Variants in PGM2L1 observed in about 807,000 individuals in gnomAD.
The protein encoded by PGM2L1 is glucose 1,6-bisphosphate synthase.
A neutral mutation model predicts 73.4 loss-of-function variants in PGM2L1; 35 were observed. The observed-to-expected ratio is 0.48, with a 90% CI of 0.36 to 0.63. The LOEUF (loss-of-function observed/expected upper bound fraction) is 0.63. Ranked by LOEUF, PGM2L1 falls within the 30% of genes least tolerant of loss-of-function variation. The pLI is 0.00. For missense variants in PGM2L1, 570 were observed against 742.0 expected (o/e 0.77, Z 2.69); for synonymous variants, 225 against 253.8 (o/e 0.89, Z 1.08).
chr11:74,357,955 T>C (rs1228778867), intron 5 of PGM2L1, among the ~76,000 whole-genome samples: 1 of 152,092 alleles, frequency 6.6e-6, no homozygotes, highest in Non-Finnish European at 1.5e-5. Context: ...AATATGATAC[T>C]CTGGAAAAGG....
At chr11:74,368,253 G>A (rs549599625) in intron 5 of PGM2L1, among the ~76,000 whole-genome samples, 2 of 152,314 alleles carry the variant, frequency 1.3e-5, no homozygotes, top group South Asian at 4.1e-4. Context: ...AAGGGATAGA[G>A]AAATCAAGGA....
At chr11:74,355,668 A>G (rs1355823047) in intron 5 of PGM2L1, 2 of 504,106 alleles carry the variant, frequency 4.0e-6, no homozygotes, top group Non-Finnish European at 7.9e-6. Context: ...TATGAAACCA[A>G]GGTGGCTATG....
rs370005770 is a variant in PGM2L1 at position 74,345,567 on chromosome 11, A to G, written c.1120T>C (p.Ser374Pro). 1.9e-6 allele frequency: 3 copies of G among 1,613,518 alleles called. No individual in the cohort carries two copies. Among genetic ancestry groups the G allele is most frequent in the Non-Finnish European group, 2.5e-6 (3 of 1,179,706 alleles). Reference sequence around the variant, plus strand: ...ACGTTCTTCACATCAGCATTTCTTGATTTATTTTTCTTCCAGCAATCAAAC... The same window carrying G: ...ACGTTCTTCACATCAGCATTTCTTGGTTTATTTTTCTTCCAGCAATCAAAC... The part of the protein sequence containing the change: ...WMFDCWKKNK[S>P]RNADVKNVYM... The change falls in exon 9 of 14, where the codon TCA becomes CCA. Residue 374 changes from serine to proline, a missense_variant. Coordinates refer to ENST00000298198, the MANE Select transcript of PGM2L1 (RefSeq NM_173582.6).
chr11:74,384,912 A>G (rs1223266204), intron 1 of PGM2L1, among the ~76,000 whole-genome samples: 1 of 152,204 alleles, frequency 6.6e-6, no homozygotes, highest in Admixed American at 6.5e-5. Flanking sequence ...TTGTCCCGCT[A>G]TACTAGCAAG....
At chr11:74,353,724 ACG>A (rs1862395119) in intron 5 of PGM2L1, among the ~76,000 whole-genome samples, 1 of 36,388 alleles carries the variant, frequency 2.7e-5, no homozygotes, top group Non-Finnish European at 1.1e-4. Context: ...GGAGTCTCCC[ACG>A]TCTACTTCTT....
chr11:74,386,299 G>C (rs935790317), intron 1 of PGM2L1, among the ~76,000 whole-genome samples: 1 of 151,848 alleles, frequency 6.6e-6, no homozygotes. Context: ...AAGAAAAATG[G>C]AAATTAAAGC....
At chr11:74,382,969 A>G (rs1436153855) in intron 1 of PGM2L1, among the ~76,000 whole-genome samples, 1 of 152,238 alleles carries the variant, frequency 6.6e-6, no homozygotes, top group Non-Finnish European at 1.5e-5. Context: ...CAGAGGGACT[A>G]TAAATCAATA....
Position 74,349,557 on chromosome 11 carries a change from G to C in PGM2L1, c.749+1826C>G, listed in dbSNP as rs563760845. 2.6e-5 allele frequency among the ~76,000 whole-genome samples: 4 copies of C among 152,202 alleles called. No individual in the cohort carries two copies. In the East Asian group the frequency reaches 7.7e-4, roughly 29 times the overall value. ...TAGTACATTTTCTGCCCCACTCCTT[G>C]ATAAGAATCAATTTCTCCAATGAGC... On this transcript the variant is annotated intron_variant, in intron 6 of 13. Transcript: ENST00000298198.
intron 1 of PGM2L1, among the ~76,000 whole-genome samples, chr11:74,390,170 G>GAA (rs11408369): frequency 0.099 from 13,728 of 138,714 alleles, 972 homozygotes; most frequent in African/African-American, 0.21. Context: ...TTTTATGAAA[G>GAA]AAAAAAAAAA....
chr11:74,383,398 T>C (rs1862975024), intron 1 of PGM2L1, among the ~76,000 whole-genome samples: 1 of 152,210 alleles, frequency 6.6e-6, no homozygotes. Context: ...GGATTACTTA[T>C]GTAATCAAGG....
At chr11:74,343,056 G>T in intron 10 of PGM2L1, 42 bp from the exon 11 acceptor site, 1 of 1,553,046 alleles carries the variant, frequency 6.4e-7, no homozygotes, top group South Asian at 1.2e-5. Context: ...GAAAACTTAA[G>T]GCTATAATTT....
intron 4 of PGM2L1, among the ~76,000 whole-genome samples, chr11:74,369,203 T>C (rs1184687019): frequency 1.3e-5 from 2 of 152,196 alleles, no homozygotes; most frequent in African/African-American, 4.8e-5. Context: ...TGAGCATCTG[T>C]TACTTAGCGC....
At chr11:74,395,619 C>T (rs1863163529) in intron 1 of PGM2L1, among the ~76,000 whole-genome samples, 1 of 131,076 alleles carries the variant, frequency 7.6e-6, no homozygotes, top group Non-Finnish European at 1.5e-5. Flanking sequence ...GTTGGCCAGG[C>T]TGGTCTCGAA....
At position 74,364,696 on chromosome 11, in the gene PGM2L1, T is replaced by C. The variant is rs7104050; in HGVS notation, c.555+3796A>G. On this transcript the variant is annotated intron_variant, in intron 5 of 13. Coordinates refer to ENST00000298198, the MANE Select transcript of PGM2L1 (RefSeq NM_173582.6). ...CTCTTCAAGGAGAACTACAAACCAC[T>C]ACTCAACGAAATAAAAGAGGACACA... 9.6e-4 allele frequency among the ~76,000 whole-genome samples: 146 copies of C among 152,212 alleles called. 1 individual carries two copies. The highest frequency in any genetic ancestry group is 3.5e-3 in the African/African-American group (144 of 41,528).
At chr11:74,368,794 A>T (rs182814862) in intron 4 of PGM2L1, among the ~76,000 whole-genome samples, 192 of 152,272 alleles carry the variant, frequency 1.3e-3, no homozygotes, top group African/African-American at 4.5e-3. Flanking sequence ...TAGCACAAAC[A>T]TGTTAAGTGA....
chr11:74,379,113 TG>T (rs1862901277), intron 1 of PGM2L1, among the ~76,000 whole-genome samples: 5 of 152,338 alleles, frequency 3.3e-5, no homozygotes, highest in Admixed American at 2.0e-4. Flanking sequence ...ATTTGGCTCA[TG>T]GTTCTGCAGG....
chr11:74,346,985 T>C (rs1474456984), intron 7 of PGM2L1, among the ~76,000 whole-genome samples, 156 bp from the exon 8 acceptor site: 2 of 152,196 alleles, frequency 1.3e-5, no homozygotes, highest in Non-Finnish European at 2.9e-5. Flanking sequence ...ACACCCACCA[T>C]AGACATTTCA....
chr11:74,348,279 A>C (rs1862299436), intron 6 of PGM2L1, among the ~76,000 whole-genome samples: 1 of 152,102 alleles, frequency 6.6e-6, no homozygotes. Flanking sequence ...TGTACATCCT[A>C]ACCTACCATT....
intron 1 of PGM2L1, among the ~76,000 whole-genome samples, chr11:74,375,256 G>A (rs1862838805): frequency 6.6e-6 from 1 of 152,204 alleles, no homozygotes; most frequent in Non-Finnish European, 1.5e-5. Flanking sequence ...CACGGTTTGT[G>A]AGGCAGTGCA....
Sources: gnomAD v4.1 joint callset for allele counts (sites outside exome capture counted in the v4.1 genomes callset) on GRCh38, gnomAD v4.1.1 for gene constraint, MANE v1.5 for transcripts, NCBI Gene and HGNC (gene_info 2026-07-23, HGNC 2026-07-21) for gene names.